Variants in CCSER1 observed in about 807,000 individuals in gnomAD.
The protein encoded by CCSER1 is coiled-coil serine rich protein 1.
A neutral mutation model predicts 82.0 loss-of-function variants in CCSER1; 41 were observed. The ratio of observed to expected loss-of-function variants is 0.50; its 90% CI spans 0.39 to 0.65. CCSER1 has a LOEUF of 0.65. Ranked by LOEUF, CCSER1 falls within the 30% of genes least tolerant of loss-of-function variation. CCSER1 has a pLI of 0.00. For synonymous variants in CCSER1, 414 were observed against 383.9 expected, an observed-to-expected ratio of 1.08 and a Z score of -0.92; for missense variants, 1,119 against 1,064.2, an observed-to-expected ratio of 1.05 and a Z score of -0.72.
At chr4:91,423,145 G>C (rs1753773455) in intron 10 of CCSER1, among the ~76,000 whole-genome samples, 1 of 152,014 alleles carries the variant, frequency 6.6e-6, no homozygotes, top group Non-Finnish European at 1.5e-5. Flanking sequence ...AGTAGGTCTG[G>C]CCTGGCGCTG....
chr4:90,760,484 A>G (rs756193163), intron 7 of CCSER1, among the ~76,000 whole-genome samples: 6 of 151,998 alleles, frequency 3.9e-5, no homozygotes, highest in Non-Finnish European at 7.4e-5. Flanking sequence ...TATTTGAACA[A>G]ATAACAAAAA....
intron 1 of CCSER1, among the ~76,000 whole-genome samples, chr4:90,238,887 G>A (rs1356882137): frequency 6.6e-6 from 1 of 150,672 alleles, no homozygotes; most frequent in South Asian, 2.1e-4. Context: ...GTCTCACTTT[G>A]TTGCCCAGGC....
At chr4:90,422,430 C>T (rs1018203534) in intron 4 of CCSER1, among the ~76,000 whole-genome samples, 1 of 151,950 alleles carries the variant, frequency 6.6e-6, no homozygotes, top group African/African-American at 2.4e-5. Context: ...CTCATCTTTA[C>T]AAAACATAAA....
chr4:91,175,328 G>T (rs989978149), intron 10 of CCSER1, among the ~76,000 whole-genome samples: 1 of 152,152 alleles, frequency 6.6e-6, no homozygotes, highest in Non-Finnish European at 1.5e-5. Context: ...AATCCTTTGG[G>T]TGTATATCCA....
At chr4:91,203,441 T>C (rs1352129531) in intron 10 of CCSER1, among the ~76,000 whole-genome samples, 1 of 151,916 alleles carries the variant, frequency 6.6e-6, no homozygotes, top group African/African-American at 2.4e-5. Context: ...GTTCCAGGTA[T>C]TGGACTATAG....
chr4:90,390,907 T>C (rs1434687147), intron 3 of CCSER1, among the ~76,000 whole-genome samples: 1 of 152,116 alleles, frequency 6.6e-6, no homozygotes, highest in East Asian at 1.9e-4. Context: ...CCACCAACAA[T>C]GTACAACTGT....
At chr4:90,985,748 T>G (rs901012029) in intron 9 of CCSER1, among the ~76,000 whole-genome samples, 1 of 151,740 alleles carries the variant, frequency 6.6e-6, no homozygotes, top group African/African-American at 2.4e-5. Flanking sequence ...CTGGCTAATT[T>G]TCTCCCTGCA....
At chr4:91,057,921 C>T (rs1432284773) in intron 9 of CCSER1, among the ~76,000 whole-genome samples, 1 of 152,106 alleles carries the variant, frequency 6.6e-6, no homozygotes, top group Non-Finnish European at 1.5e-5. Context: ...CATCATTACT[C>T]ATTAAATAAA....
At position 91,383,843 on chromosome 4, in the gene CCSER1, A is replaced by G. The variant is rs565720844; in HGVS notation, c.2218-214729A>G. 2.0e-5 allele frequency among the ~76,000 whole-genome samples: 3 copies of G among 152,346 alleles called. No individual in the cohort carries two copies. The South Asian group carries it at 6.2e-4, about 32-fold the overall frequency. ...ATTGTTGACATCTTGAGGGACAACC[A>G]TTAGGTAGCAAGTAGAGTGTTGCAT... On this transcript the variant is annotated intron_variant, in intron 10 of 10. Transcript: ENST00000509176.
rs776652208 is a variant in CCSER1 at position 91,598,814 on chromosome 4, C to T, written c.2460C>T (p.Asn820=). The stretch of plus-strand genomic sequence containing the variant: ...CCCTCACTTCAGACGTTACACAGAA[C>T]TTACGGGCCACCGTTGGGCAGAGCT... ...YETLTSDVTQ[N]LRATVGQSSL... is the part of the protein sequence containing the mutation. The change falls in exon 11 of 11, where the codon AAC becomes AAT. Residue 820 remains asparagine, a synonymous_variant. Transcript: ENST00000509176. 1.3e-6 allele frequency: 2 copies of T among 1,551,606 alleles called. No homozygotes were observed. Among genetic ancestry groups the T allele is most frequent in the South Asian group, 2.4e-5 (2 of 84,064 alleles).
intron 3 of CCSER1, among the ~76,000 whole-genome samples, chr4:90,383,200 C>T (rs61157410): frequency 0.092 from 13,912 of 151,772 alleles, 1,044 homozygotes; most frequent in East Asian, 0.32. Flanking sequence ...GCTAAATTTG[C>T]AACCGTGGAA....
intron 4 of CCSER1, among the ~76,000 whole-genome samples, chr4:90,448,472 T>C (rs1249759442): frequency 1.4e-5 from 2 of 139,702 alleles, no homozygotes; most frequent in African/African-American, 5.2e-5. Context: ...TATATATATA[T>C]ATATATATAT....
At chr4:90,664,571 A>G (rs1731381089) in intron 6 of CCSER1, among the ~76,000 whole-genome samples, 1 of 152,174 alleles carries the variant, frequency 6.6e-6, no homozygotes, top group Non-Finnish European at 1.5e-5. Context: ...TACTTGGGTA[A>G]TTGACAAATA....
chr4:90,803,067 C>G (rs1757034158), intron 7 of CCSER1, among the ~76,000 whole-genome samples: 1 of 152,004 alleles, frequency 6.6e-6, no homozygotes, highest in Admixed American at 6.6e-5. Flanking sequence ...TCTACAAATA[C>G]AAAGAAAGTC....
intron 10 of CCSER1, among the ~76,000 whole-genome samples, chr4:91,511,909 CT>C (rs896764315): frequency 6.6e-6 from 1 of 152,148 alleles, no homozygotes; most frequent in Non-Finnish European, 1.5e-5. Context: ...CAAAACTCTC[CT>C]TCCCCAGTGG....
intron 1 of CCSER1, among the ~76,000 whole-genome samples, chr4:90,236,154 CTT>C (rs945413154): frequency 2.0e-5 from 3 of 152,114 alleles, no homozygotes; most frequent in African/African-American, 7.2e-5. Flanking sequence ...CTCTTGAACT[CTT>C]GAGCTCAAGC....
chr4:90,801,491 A>G (rs2149701339), intron 7 of CCSER1, among the ~76,000 whole-genome samples: 1 of 152,274 alleles, frequency 6.6e-6, no homozygotes, highest in Non-Finnish European at 1.5e-5. Flanking sequence ...AGTACCATTC[A>G]TTGTCAAAAA....
Position 90,964,594 on chromosome 4 carries a change from A to T in CCSER1, c.2172+41147A>T, listed in dbSNP as rs371654287. Among the ~76,000 whole-genome samples the T allele has an allele frequency of 2.6e-5, 4 of 151,726 alleles. No individual in the cohort carries two copies. The East Asian group carries it at 7.8e-4, about 30-fold the overall frequency. On this transcript the variant is annotated intron_variant, in intron 9 of 10. Coordinates refer to ENST00000509176, the MANE Select transcript of CCSER1 (RefSeq NM_001145065.2). ...AAAAAACTTAGCTGGGTGTGGTGGC[A>T]GGCGCCTGTTGTCTCAGCTACTCGG...
chr4:91,147,071 G>A (rs1729611385), intron 10 of CCSER1, among the ~76,000 whole-genome samples: 2 of 152,174 alleles, frequency 1.3e-5, no homozygotes, highest in Admixed American at 6.5e-5. Context: ...TGAAAGTCAG[G>A]TAACCAGGAG....
Sources: allele counts gnomAD v4.1 joint callset (sites outside exome capture counted in the v4.1 genomes callset), GRCh38; gene constraint gnomAD v4.1.1; transcripts MANE v1.5; gene names NCBI Gene and HGNC (gene_info 2026-07-23, HGNC 2026-07-21).